SMAD2: variants seen among roughly 807,000 people sequenced by gnomAD.
SMAD2 encodes the protein SMAD family member 2, also known as MAD homolog 2.
Under a neutral mutation model 64.4 loss-of-function variants are expected in SMAD2, and 8 were observed. The ratio of observed to expected loss-of-function variants is 0.12; its 90% CI spans 0.07 to 0.22. The LOEUF (loss-of-function observed/expected upper bound fraction) is 0.22. Among genes scored for constraint, SMAD2 ranks in the 10% least tolerant of loss-of-function variants. The pLI, the probability that SMAD2 is intolerant of heterozygous loss-of-function variation, is 1.00. For synonymous variants in SMAD2, 203 were observed against 195.8 expected (o/e 1.04, Z -0.31); for missense variants, 289 against 561.2 (o/e 0.51, Z 4.90).
chr18:47,851,295 A>G lies in SMAD2; in HGVS notation c.763T>C (p.Ser255Pro). 1 of 1,610,182 alleles carries G rather than the reference A, an allele frequency of 6.2e-7. No individual in the cohort carries two copies. The highest frequency in any genetic ancestry group is 8.5e-7 in the Non-Finnish European group (1 of 1,176,796). Residue 255 changes from serine (S) to proline (P), a missense_variant, in exon 7 of 11, where the codon TCC (serine) becomes CCC (proline). Around this residue, in one of 6 missense-constraint regions of SMAD2, gnomAD observed 119 missense variants for 156.7 expected, o/e 0.76. Transcript: ENST00000262160. ...TTACCCAAGCTATGATTAACAGGGGAAAGAGTAGTAGGAGATAGTTCTGCT... is the reference window on the plus strand; with the variant it reads ...TTACCCAAGCTATGATTAACAGGGGGAAGAGTAGTAGGAGATAGTTCTGCT... ...SPAELSPTTL[S>P]PVNHSLDLQP...
Position 47,845,331 on chromosome 18 carries a change from A to G in SMAD2, c.1280+9T>C, listed in dbSNP as rs750763559. On this transcript the variant is annotated intron_variant, in intron 10 of 10. Transcript: ENST00000262160. ...GTGGAAATTTAAGAACCAAATATGT[A>G]TTTCATACCGGTATTCTGCTCCCCA... 5.6e-6 allele frequency: 9 copies of G among 1,611,978 alleles called. No homozygotes were observed. Among genetic ancestry groups the G allele is most frequent in the Non-Finnish European group, 7.6e-6 (9 of 1,178,334 alleles).
intron 1 of SMAD2, among the ~76,000 whole-genome samples, chr18:47,920,594 G>A (rs1007882747): frequency 4.6e-5 from 7 of 152,220 alleles, no homozygotes; most frequent in African/African-American, 1.7e-4. Flanking sequence ...CAGGAGGTAG[G>A]AGATGTAAAG....
chr18:47,875,499 A>G (rs2032212096), intron 2 of SMAD2, among the ~76,000 whole-genome samples: 1 of 152,310 alleles, frequency 6.6e-6, no homozygotes, highest in South Asian at 2.1e-4. Flanking sequence ...TGTTAATAAA[A>G]AGTGTAAGTT....
intron 2 of SMAD2, among the ~76,000 whole-genome samples, chr18:47,879,077 C>T (rs2032432489): frequency 6.6e-6 from 1 of 152,124 alleles, no homozygotes. Flanking sequence ...TGAGACTGCA[C>T]CACTGCACTC....
At position 47,912,820 on chromosome 18, in the gene SMAD2, TA is replaced by T. The variant is rs202176159; in HGVS notation, c.-53-16012del. Among the ~76,000 whole-genome samples, 7 of 32,610 alleles carry T rather than the reference TA, an allele frequency of 2.1e-4. No individual in the cohort carries two copies. In the Admixed American group the frequency reaches 2.8e-3, roughly 13 times the overall value. The allele number at this position is 32,610 out of a possible 152,430, so 21.4% of individuals were successfully genotyped here. On this transcript the variant is annotated intron_variant, in intron 1 of 10. Transcript: ENST00000262160. Reference sequence around the variant, plus strand: ...TTATTCCATTCATAAGAATTTAGCCTAAAAAAAGAATAAAAAATGAAACTTC... The same window carrying T: ...TTATTCCATTCATAAGAATTTAGCCTAAAAAAGAATAAAAAATGAAACTTC...
At chr18:47,864,867 T>C (rs573825472) in intron 6 of SMAD2, among the ~76,000 whole-genome samples, 192 bp downstream of exon 6, 31 of 152,304 alleles carry the variant, frequency 2.0e-4, no homozygotes, top group African/African-American at 7.5e-4. Context: ...CAGAGTAGCA[T>C]ACGTTATAAT....
rs542162921 is a variant in SMAD2 at position 47,825,725 on chromosome 18, C to T, written c.*16102G>A. ...GCCACATCACCAAAGAGAACAATTC[C>T]TGACCTCCTTGGAAGCAGAAACTTG... On this transcript the variant is annotated 3_prime_UTR_variant, in exon 11 of 11. Coordinates refer to ENST00000262160, the MANE Select transcript of SMAD2 (RefSeq NM_005901.6). 3 of 152,356 alleles carry T rather than the reference C, an allele frequency of 2.0e-5. No homozygotes were observed. The highest frequency in any genetic ancestry group is 1.9e-4 in the East Asian group (1 of 5,190). 9.4% of individuals were successfully genotyped at this position (152,356 alleles called of 1,614,324 possible).
intron 1 of SMAD2, among the ~76,000 whole-genome samples, chr18:47,914,681 C>A (rs2034268703): frequency 7.2e-6 from 1 of 138,954 alleles, no homozygotes. Flanking sequence ...TACTAAAGGT[C>A]TGATCACACG....
chr18:47,850,545 TATAA>T (rs1915271681), intron 7 of SMAD2, among the ~76,000 whole-genome samples: 4 of 23,834 alleles, frequency 1.7e-4, no homozygotes, highest in Admixed American at 7.4e-4. Flanking sequence ...ATGTTATATA[TATAA>T]TATATATTAT....
Position 47,834,158 on chromosome 18 carries a change from A to C in SMAD2, c.*7669T>G, listed in dbSNP as rs2144258526. 1 of 213,366 alleles carries C rather than the reference A, an allele frequency of 4.7e-6. No individual in the cohort carries two copies. Among genetic ancestry groups the C allele is most frequent in the East Asian group, 6.9e-5 (1 of 14,448 alleles). 13.2% of individuals were successfully genotyped at this position (213,366 alleles called of 1,614,324 possible). On this transcript the variant is annotated 3_prime_UTR_variant, in exon 11 of 11. Transcript: ENST00000262160. ...AATGTTGACAGCCATAGTGCAGCTG[A>C]GTTTAGAAGCAACTATGACAACATA... is the stretch of plus-strand genomic sequence containing the variant.
At chr18:47,909,294 T>C (rs1454378585) in intron 1 of SMAD2, among the ~76,000 whole-genome samples, 1 of 152,150 alleles carries the variant, frequency 6.6e-6, no homozygotes, top group Non-Finnish European at 1.5e-5. Context: ...AGGTGAAGGA[T>C]CTAAAGCTGG....
chr18:47,831,961 A>G lies in SMAD2; in HGVS notation c.*9866T>C, dbSNP rs1232056350. The G allele has an allele frequency of 4.6e-5, 7 of 152,190 alleles. No individual in the cohort carries two copies. The highest frequency in any genetic ancestry group is 9.7e-5 in the African/African-American group (4 of 41,442). 9.4% of individuals were successfully genotyped at this position (152,190 alleles called of 1,614,324 possible). ...GTGAATCTGTCAAAGGGTAAGCTGG[A>G]TAACTGTATGTTGCAAACATGTTCC... On this transcript the variant is annotated 3_prime_UTR_variant, in exon 11 of 11. Coordinates refer to ENST00000262160, the MANE Select transcript of SMAD2 (RefSeq NM_005901.6).
In SMAD2 at chr18:47,841,857, G is replaced by T. The variant is rs774003411; in HGVS notation, c.1374C>A (p.Ser458=). 16 of 1,613,970 alleles carry T rather than the reference G, an allele frequency of 9.9e-6. No homozygotes were observed. The East Asian group carries it at 3.6e-4, about 36-fold the overall frequency. ...WLDKVLTQMG[S]PSVRCSSMS Reference sequence around the variant, plus strand: ...ACATGCTTGAGCAACGCACTGAAGGGGATCCCATCTGAGTTAATACTTTGT... The same window carrying T: ...ACATGCTTGAGCAACGCACTGAAGGTGATCCCATCTGAGTTAATACTTTGT... Residue 458 remains serine, a synonymous_variant, in exon 11 of 11, where the codon TCC becomes TCA. Transcript: ENST00000262160.
intron 2 of SMAD2, among the ~76,000 whole-genome samples, chr18:47,885,200 A>T (rs12968971): frequency 0.015 from 2,206 of 144,144 alleles, 67 homozygotes; most frequent in African/African-American, 0.055. Flanking sequence ...CTCCCCCCCC[A>T]AGACAGTCTC....
At position 47,838,880 on chromosome 18, in the gene SMAD2, C is replaced by T. The variant is rs1259869779; in HGVS notation, c.*2947G>A. The T allele has an allele frequency of 4.3e-6, 1 of 232,994 alleles. No individual in the cohort carries two copies. Among genetic ancestry groups the T allele is most frequent in the Admixed American group, 5.6e-5 (1 of 17,786 alleles). The allele number at this position is 232,994 out of a possible 1,614,324, so 14.4% of individuals were successfully genotyped here. A position where few individuals can be genotyped will look rare whatever the true frequency, so the allele number is the denominator to read the frequency against. ...CATGGCCATTCGGTTCTCAGGTCAT[C>T]ATTCCTAGAAAATTAACAGTATTGT... On this transcript the variant is annotated 3_prime_UTR_variant, in exon 11 of 11. Transcript: ENST00000262160.
intron 6 of SMAD2, among the ~76,000 whole-genome samples, chr18:47,857,086 T>C (rs1249063708): frequency 2.0e-5 from 3 of 152,122 alleles, no homozygotes; most frequent in Non-Finnish European, 4.4e-5. Flanking sequence ...CTCGATCTCC[T>C]GACCTCGTGA....
rs1364499800 is a variant in SMAD2 at position 47,840,184 on chromosome 18, T to C, written c.*1643A>G. The C allele has an allele frequency of 2.6e-5, 6 of 232,764 alleles. No individual in the cohort carries two copies. Among genetic ancestry groups the C allele is most frequent in the Admixed American group, 2.3e-4 (4 of 17,766 alleles). The allele number at this position is 232,764 out of a possible 1,614,324, so 14.4% of individuals were successfully genotyped here. ...GTACCCAATAGAAAACCACCAAATG[T>C]TGAAAGTATTGAAAATGATACCTAT... is the stretch of plus-strand genomic sequence containing the variant. On this transcript the variant is annotated 3_prime_UTR_variant, in exon 11 of 11. Coordinates refer to ENST00000262160, the MANE Select transcript of SMAD2 (RefSeq NM_005901.6).
intron 4 of SMAD2, 130 bp downstream of exon 4, chr18:47,869,113 A>G: frequency 1.5e-6 from 1 of 675,144 alleles, no homozygotes; most frequent in East Asian, 2.8e-5. Flanking sequence ...TTACCACCAA[A>G]TAATATGCAC....
intron 5 of SMAD2, among the ~76,000 whole-genome samples, chr18:47,867,772 A>G (rs775658411): frequency 6.6e-6 from 1 of 152,144 alleles, no homozygotes; most frequent in Admixed American, 6.6e-5. Flanking sequence ...GCTGAATTCA[A>G]TTTTCATCAG....
Sources: gnomAD v4.1 joint callset for allele counts (sites outside exome capture counted in the v4.1 genomes callset) on GRCh38, gnomAD v4.1.1 for gene constraint, gnomAD v4.1.1 regional missense constraint, MANE v1.5 for transcripts, NCBI Gene and HGNC (gene_info 2026-07-23, HGNC 2026-07-21) for gene names.